Variants in OLFM4 observed in about 807,000 individuals in gnomAD.
The protein encoded by OLFM4 is olfactomedin 4, also known as olfactomedin-4.
In OLFM4, 22 loss-of-function variants were observed where a neutral mutation model predicts 25.5. The observed-to-expected ratio is 0.86, with a 90% CI of 0.62 to 1.23. The LOEUF is 1.23. Ranked by LOEUF, OLFM4 falls within the 50% of genes most tolerant of loss-of-function variation. The pLI, the probability that OLFM4 is intolerant of heterozygous loss-of-function variation, is 0.00. For missense variants in OLFM4, 594 were observed against 619.4 expected (o/e 0.96, Z 0.44); for synonymous variants, 255 against 237.7 (o/e 1.07, Z -0.67).
intron 4 of OLFM4, among the ~76,000 whole-genome samples, chr13:53,044,444 T>C (rs140937495): frequency 4.1e-4 from 63 of 152,328 alleles, no homozygotes; most frequent in African/African-American, 1.4e-3. Context: ...CTGCTTTCTT[T>C]TAGACTGTGT....
rs544237692 is a variant in OLFM4 at position 53,050,829 on chromosome 13, C to T, written c.*58C>T. 4 of 1,444,002 alleles carry T rather than the reference C, an allele frequency of 2.8e-6. No homozygotes were observed. Among genetic ancestry groups the T allele is most frequent in the Non-Finnish European group, 3.7e-6 (4 of 1,073,408 alleles). 89.4% of individuals were successfully genotyped at this position (1,444,002 alleles called of 1,614,324 possible). On this transcript the variant is annotated 3_prime_UTR_variant, in exon 5 of 5. Transcript: ENST00000219022. ...TTTGTTGAAAAAATAGTCTTCTCCACTTACTTAGATATCTGCAGGGGTGTC... is the reference window on the plus strand; with the variant it reads ...TTTGTTGAAAAAATAGTCTTCTCCATTTACTTAGATATCTGCAGGGGTGTC...
At chr13:53,040,993 G>A (rs376802994) in intron 2 of OLFM4, among the ~76,000 whole-genome samples, 1 of 152,118 alleles carries the variant, frequency 6.6e-6, no homozygotes, top group Admixed American at 6.6e-5. Flanking sequence ...CTGGTGAGAT[G>A]GCAGAGGAAA....
In OLFM4 at chr13:53,050,192, T is replaced by C; in HGVS notation, c.954T>C (p.Ala318=). ...TLDDLLLYIN[A]RELRITYGQG... The stretch of plus-strand genomic sequence containing the variant: ...ATGATTTGCTATTGTATATAAATGC[T>C]CGAGAGTTGCGGATCACCTATGGCC... The change falls in exon 5 of 5, where the codon GCT becomes GCC. Residue 318 remains alanine, a synonymous_variant. Coordinates refer to ENST00000219022, the MANE Select transcript of OLFM4 (RefSeq NM_006418.5). 1.4e-5 allele frequency: 22 copies of C among 1,614,004 alleles called. No individual in the cohort carries two copies. The highest frequency in any genetic ancestry group is 1.7e-5 in the Non-Finnish European group (20 of 1,179,962).
At chr13:53,041,795 C>T in intron 2 of OLFM4, 115 bp from the exon 3 acceptor site, 2 of 676,400 alleles carry the variant, frequency 3.0e-6, no homozygotes, top group Non-Finnish European at 5.1e-6. Flanking sequence ...TATTTATTTA[C>T]AAAACACAAT....
chr13:53,028,842 G>A lies in OLFM4; in HGVS notation c.6G>A (p.Arg2=). The change falls in exon 1 of 5, where the codon AGG becomes AGA. Residue 2 remains arginine (R), a synonymous_variant. Coordinates refer to ENST00000219022, the MANE Select transcript of OLFM4 (RefSeq NM_006418.5). The stretch of plus-strand genomic sequence containing the variant: ...GCTCCAGCTAAGAGGACAAGATGAG[G>A]CCCGGCCTCTCATTTCTCCTAGCCC... The part of the protein sequence containing the change: M[R]PGLSFLLALL... 1 of 1,614,214 alleles carries A rather than the reference G, an allele frequency of 6.2e-7. No homozygotes were observed. Among genetic ancestry groups the A allele is most frequent in the Non-Finnish European group, 8.5e-7 (1 of 1,180,028 alleles).
intron 2 of OLFM4, among the ~76,000 whole-genome samples, chr13:53,039,510 C>G (rs943237834): frequency 1.3e-5 from 2 of 152,060 alleles, no homozygotes; most frequent in African/African-American, 4.8e-5. Flanking sequence ...AGGAACTATA[C>G]AAATAAAAAA....
At chr13:53,047,723 T>C (rs1263734892) in intron 4 of OLFM4, among the ~76,000 whole-genome samples, 2 of 152,136 alleles carry the variant, frequency 1.3e-5, no homozygotes, top group Non-Finnish European at 2.9e-5. Flanking sequence ...CTAATACTAT[T>C]ATACTAATAA....
chr13:53,045,486 T>C (rs1295580787), intron 4 of OLFM4, among the ~76,000 whole-genome samples: 2 of 152,140 alleles, frequency 1.3e-5, no homozygotes, highest in Non-Finnish European at 2.9e-5. Flanking sequence ...TCTGTTTGGA[T>C]TGGTTGATAA....
rs181710527 is a variant in OLFM4, at chr13:53,036,609, G to C, written c.357+2109G>C. 1.1e-4 allele frequency among the ~76,000 whole-genome samples: 17 copies of C among 152,278 alleles called. No individual in the cohort carries two copies. In the East Asian group the frequency reaches 3.3e-3, roughly 29 times the overall value. On this transcript the variant is annotated intron_variant, in intron 2 of 4. Coordinates refer to ENST00000219022, the MANE Select transcript of OLFM4 (RefSeq NM_006418.5). ...AGTTTTAGTTCTGAATGTGTCGGTG[G>C]CTGCTCTGATCCCAAAAAAACTGTG...
At chr13:53,041,455 A>G (rs1490883651) in intron 2 of OLFM4, among the ~76,000 whole-genome samples, 2 of 152,170 alleles carry the variant, frequency 1.3e-5, no homozygotes, top group Non-Finnish European at 2.9e-5. Context: ...GGAGAACAAC[A>G]GAAGCGTACT....
intron 4 of OLFM4, among the ~76,000 whole-genome samples, chr13:53,044,107 G>C (rs1377743996): frequency 6.6e-6 from 1 of 152,194 alleles, no homozygotes; most frequent in Non-Finnish European, 1.5e-5. Flanking sequence ...CAGGGTGGCT[G>C]TGGGGATTAA....
intron 1 of OLFM4, among the ~76,000 whole-genome samples, chr13:53,032,679 A>C (rs1220470592): frequency 1.3e-5 from 2 of 152,124 alleles, no homozygotes; most frequent in Non-Finnish European, 2.9e-5. Context: ...CAAGGTAATA[A>C]ATTTTGACTA....
chr13:53,041,483 A>T (rs574018958), intron 2 of OLFM4, among the ~76,000 whole-genome samples: 1 of 152,252 alleles, frequency 6.6e-6, no homozygotes, highest in Admixed American at 6.5e-5. Flanking sequence ...GGAGGGTGAA[A>T]GGAGGGAGAG....
At position 53,050,521 on chromosome 13, in the gene OLFM4, C is replaced by T. The variant is rs1445700135; in HGVS notation, c.1283C>T (p.Pro428Leu). The change falls in exon 5 of 5, where the codon CCA becomes CTA. Residue 428 changes from proline (P) to leucine (L), a missense_variant. Transcript: ENST00000219022. The stretch of plus-strand genomic sequence containing the variant: ...ACTTGGTATACCAAGCAGTATAAAC[C>T]ATCTGCTTCTAACGCCTTCATGGTA... ...LNTWYTKQYK[P>L]SASNAFMVCG... 6.2e-6 allele frequency: 10 copies of T among 1,613,880 alleles called. No homozygotes were observed. In the African/African-American group the frequency reaches 6.7e-5, roughly 11 times the overall value.
intron 1 of OLFM4, among the ~76,000 whole-genome samples, chr13:53,030,590 C>T (rs1349206252): frequency 3.3e-5 from 5 of 152,128 alleles, no homozygotes; most frequent in South Asian, 2.1e-4. Context: ...CATGAGCCAC[C>T]GCACCTGGCC....
chr13:53,050,842 C>G lies in OLFM4; in HGVS notation c.*71C>G. ...TAGTCTTCTCCACTTACTTAGATATCTGCAGGGGTGTCTAAAAGTGTGTTC... is the reference window on the plus strand; with the variant it reads ...TAGTCTTCTCCACTTACTTAGATATGTGCAGGGGTGTCTAAAAGTGTGTTC... On this transcript the variant is annotated 3_prime_UTR_variant, in exon 5 of 5. Coordinates refer to ENST00000219022, the MANE Select transcript of OLFM4 (RefSeq NM_006418.5). The G allele has an allele frequency of 7.6e-7, 1 of 1,323,466 alleles. No individual in the cohort carries two copies. Among genetic ancestry groups the G allele is most frequent in the Non-Finnish European group, 1.0e-6 (1 of 968,516 alleles). The allele number at this position is 1,323,466 out of a possible 1,614,324, so 82.0% of individuals were successfully genotyped here.
rs550414011 is a variant in OLFM4 at position 53,034,618 on chromosome 13, A to G, written c.357+118A>G. On this transcript the variant is annotated intron_variant, in intron 2 of 4. Coordinates refer to ENST00000219022, the MANE Select transcript of OLFM4 (RefSeq NM_006418.5). ...ATCAAAGACATCACGTTTTTATTCT[A>G]TGGTGATTTTAGTATTTATTTTATA... is the stretch of plus-strand genomic sequence containing the variant. 1.5e-5 allele frequency: 14 copies of G among 926,384 alleles called. 1 individual carries two copies. Among genetic ancestry groups the G allele is most frequent in the African/African-American group, 1.2e-4 (7 of 60,084 alleles). The allele number at this position is 926,384 out of a possible 1,614,324, so 57.4% of individuals were successfully genotyped here.
chr13:53,043,068 CAT>C, intron 3 of OLFM4, 35 bp from the exon 4 acceptor site: 1 of 1,512,642 alleles, frequency 6.6e-7, no homozygotes, highest in Non-Finnish European at 8.9e-7. Flanking sequence ...GAAATTGCAC[CAT>C]AATATAAAGT....
intron 4 of OLFM4, among the ~76,000 whole-genome samples, chr13:53,043,626 A>G (rs1566319094): frequency 6.6e-6 from 1 of 152,164 alleles, no homozygotes; most frequent in Non-Finnish European, 1.5e-5. Context: ...TGTGGCATCC[A>G]CTTTCCTGTG....
Sources: allele counts gnomAD v4.1 joint callset (sites outside exome capture counted in the v4.1 genomes callset), GRCh38; gene constraint gnomAD v4.1.1; transcripts MANE v1.5; gene names NCBI Gene and HGNC (gene_info 2026-07-23, HGNC 2026-07-21).